Variants in OSBPL10 observed in about 807,000 individuals in gnomAD.
OSBPL10 encodes oxysterol-binding protein-related protein 10.
Under a neutral mutation model 81.7 loss-of-function variants are expected in OSBPL10, and 49 were observed. The observed-to-expected ratio is 0.60, with a 90% CI of 0.48 to 0.76. The LOEUF is 0.76. Among genes scored for constraint, OSBPL10 ranks in the 30% least tolerant of loss-of-function variants. OSBPL10 has a pLI of 0.00. For missense variants in OSBPL10, 923 were observed against 987.8 expected, an observed-to-expected ratio of 0.93 and a Z score of 0.88; for synonymous variants, 419 against 383.6, an observed-to-expected ratio of 1.09 and a Z score of -1.08.
chr3:32,044,741 CAAAAAA>C (rs34855965), intron 2 of OSBPL10, among the ~76,000 whole-genome samples: 13 of 67,064 alleles, frequency 1.9e-4, no homozygotes, highest in Admixed American at 4.1e-4. Flanking sequence ...AACTCCATCT[CAAAAAA>C]AAAAAAAAAA....
intron 4 of OSBPL10, among the ~76,000 whole-genome samples, chr3:31,822,554 T>C (rs990037733): frequency 6.6e-6 from 1 of 152,160 alleles, no homozygotes; most frequent in African/African-American, 2.4e-5. Context: ...CTTGTACCAA[T>C]TGAACTTGTG....
At chr3:31,705,347 C>T (rs915447835) in intron 6 of OSBPL10, among the ~76,000 whole-genome samples, 1 of 149,234 alleles carries the variant, frequency 6.7e-6, no homozygotes, top group African/African-American at 2.5e-5. Flanking sequence ...CACACTGCAG[C>T]TCAGTCCATC....
chr3:31,719,340 T>A (rs1218890167), intron 6 of OSBPL10, among the ~76,000 whole-genome samples: 2 of 152,216 alleles, frequency 1.3e-5, no homozygotes, highest in African/African-American at 4.8e-5. Context: ...TCACTGGCTT[T>A]GTATATTAAA....
At chr3:32,025,750 C>T (rs1367464265) in intron 2 of OSBPL10, among the ~76,000 whole-genome samples, 1 of 152,038 alleles carries the variant, frequency 6.6e-6, no homozygotes, top group Non-Finnish European at 1.5e-5. Context: ...CATCTGCTGT[C>T]TAACAGTTAT....
At chr3:31,738,696 T>A (rs1303298414) in intron 5 of OSBPL10, among the ~76,000 whole-genome samples, 2 of 152,078 alleles carry the variant, frequency 1.3e-5, no homozygotes, top group Admixed American at 6.6e-5. Flanking sequence ...ACAAAGGCAT[T>A]AAGAACTAGT....
At chr3:31,690,975 A>C (rs972521963) in intron 7 of OSBPL10, among the ~76,000 whole-genome samples, 1 of 151,816 alleles carries the variant, frequency 6.6e-6, no homozygotes, top group Non-Finnish European at 1.5e-5. Context: ...TTTCTTGGAC[A>C]GTGAACACCA....
chr3:31,975,904 C>T (rs1698684188), intron 1 of OSBPL10, among the ~76,000 whole-genome samples: 1 of 152,094 alleles, frequency 6.6e-6, no homozygotes, highest in African/African-American at 2.4e-5. Flanking sequence ...AATTATCTGT[C>T]CTCAGGGAGC....
chr3:31,946,740 G>A (rs1228697708), intron 1 of OSBPL10, among the ~76,000 whole-genome samples: 2 of 152,202 alleles, frequency 1.3e-5, no homozygotes, highest in East Asian at 1.9e-4. Flanking sequence ...GCTGGGCTTT[G>A]GTCCCATTCT....
At chr3:31,920,949 A>T (rs1696895457) in intron 1 of OSBPL10, among the ~76,000 whole-genome samples, 1 of 152,200 alleles carries the variant, frequency 6.6e-6, no homozygotes, top group African/African-American at 2.4e-5. Flanking sequence ...TGTAGCCTGC[A>T]GAACCATGAG....
intron 4 of OSBPL10, among the ~76,000 whole-genome samples, chr3:31,785,921 T>C (rs1391007638): frequency 6.6e-6 from 1 of 152,170 alleles, no homozygotes; most frequent in Non-Finnish European, 1.5e-5. Context: ...TATGATTCAC[T>C]GTGATCCAGA....
At chr3:31,937,037 C>T (rs1697396015) in intron 1 of OSBPL10, among the ~76,000 whole-genome samples, 1 of 152,296 alleles carries the variant, frequency 6.6e-6, no homozygotes, top group East Asian at 1.9e-4. Flanking sequence ...GTAATCCCAA[C>T]ACTTTGGGAG....
chr3:32,014,603 A>G lies in OSBPL10; in HGVS notation n.298+31888T>C, dbSNP rs574941168. The stretch of plus-strand genomic sequence containing the variant: ...GTTGGAAGTTCTGGCCAGGGCAATC[A>G]GGCAGGAAAAGGAAATAAAGGGTAT... On this transcript the variant is annotated intron_variant and non_coding_transcript_variant, in intron 2 of 3. Transcript: ENST00000479173. Among the ~76,000 whole-genome samples the G allele has an allele frequency of 5.3e-3, 804 of 152,304 alleles. 12 individuals carry two copies. The highest frequency in any genetic ancestry group is 0.029 in the South Asian group (140 of 4,816).
intron 5 of OSBPL10, among the ~76,000 whole-genome samples, chr3:31,738,535 T>C (rs1401237812): frequency 6.6e-6 from 1 of 152,226 alleles, no homozygotes; most frequent in African/African-American, 2.4e-5. Context: ...CCAAAATGTC[T>C]TTCCCCGGTA....
Position 31,747,912 on chromosome 3 carries a change from G to A in OSBPL10, c.938C>T (p.Ser313Leu), listed in dbSNP as rs751745045. The change falls in exon 5 of 12, where the codon TCG becomes TTG. Residue 313 changes from serine (S) to leucine (L), a missense_variant and splice_region_variant. Physicochemically the swap from Ser to Leu is moderately radical, Grantham distance 145 (BLOSUM62 -2). Transcript: ENST00000396556. ...GGACAAGCCCCCGGGGGTCTTACCC[G>A]AGGCTCCTGGCTTCTGGCTGGGCTG... ...AGQPSQKPGA[S>L]ENILGWHGSK... 9 of 1,613,156 alleles carry A rather than the reference G, an allele frequency of 5.6e-6. No individual in the cohort carries two copies. Among genetic ancestry groups the A allele is most frequent in the Middle Eastern group, 1.9e-4 (1 of 5,372 alleles).
At chr3:31,719,907 T>C (rs1696580296) in intron 6 of OSBPL10, among the ~76,000 whole-genome samples, 1 of 151,906 alleles carries the variant, frequency 6.6e-6, no homozygotes, top group South Asian at 2.1e-4. Context: ...AATGGCTTTG[T>C]AGCTGTTCAA....
Position 32,065,439 on chromosome 3 carries a change from C to T in OSBPL10, n.185+11957G>A, listed in dbSNP as rs1699770160. 2.2e-5 allele frequency: 2 copies of T among 92,756 alleles called. 1 individual carries two copies. Among genetic ancestry groups the T allele is most frequent in the African/African-American group, 5.6e-5 (2 of 35,978 alleles). The allele number at this position is 92,756 out of a possible 1,614,324, so 5.7% of individuals were successfully genotyped here. On this transcript the variant is annotated intron_variant and non_coding_transcript_variant, in intron 1 of 3. Coordinates refer to the OSBPL10 transcript ENST00000479173. ...CTCCAGAAGACAGTTTTTCTTGCTC[C>T]TGTCATTGGGCTGACAAAGACTCTA...
At chr3:31,795,223 C>T (rs1291401819) in intron 4 of OSBPL10, 1 of 135,052 alleles carries the variant, frequency 7.4e-6, no homozygotes, top group Non-Finnish European at 1.5e-5. Context: ...CAGCTCACTG[C>T]AAACTCCGCC....
chr3:31,821,982 G>C (rs1332189157), intron 4 of OSBPL10: 1 of 152,202 alleles, frequency 6.6e-6, no homozygotes, highest in Admixed American at 6.5e-5. Context: ...AGAATACTGA[G>C]TTAATATCCA....
intron 1 of OSBPL10, among the ~76,000 whole-genome samples, chr3:31,900,030 T>TA: frequency 6.6e-6 from 1 of 151,278 alleles, no homozygotes; most frequent in South Asian, 2.1e-4. Context: ...TAAAACTTTT[T>TA]TTTTTTTTTT....
Sources: allele counts gnomAD v4.1 joint callset (sites outside exome capture counted in the v4.1 genomes callset), GRCh38; gene constraint gnomAD v4.1.1; transcripts MANE v1.5; gene names NCBI Gene and HGNC (gene_info 2026-07-23, HGNC 2026-07-21).